MYLK: variants seen among roughly 807,000 people sequenced by gnomAD.
MYLK encodes the protein myosin light chain kinase.
A neutral mutation model predicts 203.4 loss-of-function variants in MYLK; 106 were observed. The ratio of observed to expected loss-of-function variants is 0.52; its 90% CI spans 0.45 to 0.61. MYLK has a LOEUF of 0.61. Among genes scored for constraint, MYLK ranks in the 20% least tolerant of loss-of-function variants. The pLI, the probability that MYLK is intolerant of heterozygous loss-of-function variation, is 0.00. For missense variants in MYLK, 2,072 were observed against 2,442.3 expected (o/e 0.85, Z 3.20); for synonymous variants, 867 against 959.5 (o/e 0.90, Z 1.78).
chr3:123,698,891 G>C (rs2061048714), intron 18 of MYLK: 1 of 152,168 alleles, frequency 6.6e-6, no homozygotes, highest in Non-Finnish European at 1.5e-5. Context: ...AGGTGAGGGA[G>C]GGAGTGGGGA....
chr3:123,820,115 A>C (rs1577063962), intron 3 of MYLK, among the ~76,000 whole-genome samples: 1 of 152,048 alleles, frequency 6.6e-6, no homozygotes. Context: ...CATGCTAACA[A>C]CCCTGCCTGT....
At chr3:123,851,861 G>A (rs926777085) in intron 2 of MYLK, among the ~76,000 whole-genome samples, 2 of 152,100 alleles carry the variant, frequency 1.3e-5, no homozygotes, top group African/African-American at 4.8e-5. Context: ...TGCCCATTCA[G>A]TATGATATTG....
chr3:123,614,755 GT>G (rs1037212098), intron 33 of MYLK, among the ~76,000 whole-genome samples: 49 of 151,736 alleles, frequency 3.2e-4, no homozygotes, highest in African/African-American at 1.2e-3. Flanking sequence ...AGCCTCCTGA[GT>G]AGTGAGACTA....
intron 3 of MYLK, among the ~76,000 whole-genome samples, chr3:123,830,615 C>T (rs1225039889): frequency 6.6e-6 from 1 of 152,132 alleles, no homozygotes; most frequent in East Asian, 1.9e-4. Context: ...AGGTCCACCA[C>T]CCACCAACCT....
chr3:123,879,584 A>G (rs2033388714), intron 1 of MYLK, among the ~76,000 whole-genome samples: 1 of 152,080 alleles, frequency 6.6e-6, no homozygotes, highest in Non-Finnish European at 1.5e-5. Flanking sequence ...CTCTCTTGCT[A>G]CCCACCCAGA....
At chr3:123,837,662 C>A (rs1290144843) in intron 2 of MYLK, among the ~76,000 whole-genome samples, 1 of 151,780 alleles carries the variant, frequency 6.6e-6, no homozygotes, top group Non-Finnish European at 1.5e-5. Context: ...AGTGCACTTG[C>A]ATCACCTGTA....
At chr3:123,750,930 C>T (rs1166197649) in intron 5 of MYLK, among the ~76,000 whole-genome samples, 3 of 152,242 alleles carry the variant, frequency 2.0e-5, no homozygotes, top group African/African-American at 2.4e-5. Context: ...CCAAACTATG[C>T]ATGCTCCACT....
At chr3:123,655,091 G>T (rs2059351763) in intron 24 of MYLK, among the ~76,000 whole-genome samples, 1 of 152,032 alleles carries the variant, frequency 6.6e-6, no homozygotes, top group South Asian at 2.1e-4. Context: ...CCATGCTTCT[G>T]GCCTCTCTTT....
At chr3:123,862,133 C>T (rs142797217) in intron 2 of MYLK, among the ~76,000 whole-genome samples, 64 of 152,330 alleles carry the variant, frequency 4.2e-4, no homozygotes, top group Middle Eastern at 6.8e-3. Context: ...CTGCCTCCTG[C>T]ACCACCTTGA....
At chr3:123,856,541 G>A (rs537199094) in intron 2 of MYLK, among the ~76,000 whole-genome samples, 3 of 151,986 alleles carry the variant, frequency 2.0e-5, no homozygotes, top group Non-Finnish European at 4.4e-5. Flanking sequence ...TATTTAATGG[G>A]GACCTTCTTT....
intron 13 of MYLK, among the ~76,000 whole-genome samples, chr3:123,715,214 C>G (rs1477197560): frequency 1.3e-5 from 2 of 152,184 alleles, no homozygotes; most frequent in African/African-American, 2.4e-5. Context: ...AATGATCGCT[C>G]TGGTGAAGCA....
chr3:123,800,035 T>C (rs970507501), intron 3 of MYLK: 1 of 152,118 alleles, frequency 6.6e-6, no homozygotes. Context: ...GATGGTGCAA[T>C]TTGCCTTCCG....
At chr3:123,666,575 A>T (rs2059741965) in intron 21 of MYLK, among the ~76,000 whole-genome samples, 1 of 152,160 alleles carries the variant, frequency 6.6e-6, no homozygotes, top group African/African-American at 2.4e-5. Context: ...CACTACTTAC[A>T]TGGCATGATT....
chr3:123,739,934 T>G lies in MYLK; in HGVS notation c.422+19A>C, dbSNP rs765623475. On this transcript the variant is annotated intron_variant, in intron 6 of 33. Coordinates refer to ENST00000360304, the MANE Select transcript of MYLK (RefSeq NM_053025.4). ...AAAGCAATCCAACCCTTACTCTGTCTTGAACATCCAGGACTTACCCTAAGG... is the reference window on the plus strand; with the variant it reads ...AAAGCAATCCAACCCTTACTCTGTCGTGAACATCCAGGACTTACCCTAAGG... The G allele has an allele frequency of 4.3e-6, 7 of 1,613,626 alleles. No individual in the cohort carries two copies. Among genetic ancestry groups the G allele is most frequent in the Non-Finnish European group, 5.1e-6 (6 of 1,179,666 alleles).
chr3:123,620,325 A>G lies in MYLK; in HGVS notation c.5250T>C (p.Asn1750=). Reference sequence around the variant, plus strand: ...ACAGTCTTCCAATGGCTCTCACAGCATTGCCCGTTTTCTGGAAAATAGACA... The same window carrying G: ...ACAGTCTTCCAATGGCTCTCACAGCGTTGCCCGTTTTCTGGAAAATAGACA... The part of the protein sequence containing the change: ...MARRKWQKTG[N]AVRAIGRLSS... Residue 1750 remains asparagine, a synonymous_variant, in exon 32 of 34, where the codon AAT becomes AAC. Coordinates refer to ENST00000360304, the MANE Select transcript of MYLK (RefSeq NM_053025.4). 6.2e-7 allele frequency: 1 copy of G among 1,614,076 alleles called. No homozygotes were observed. The highest frequency in any genetic ancestry group is 8.5e-7 in the Non-Finnish European group (1 of 1,180,018).
chr3:123,732,805 C>T, intron 11 of MYLK, 91 bp downstream of exon 11: 8 of 1,261,758 alleles, frequency 6.3e-6, no homozygotes, highest in Non-Finnish European at 9.1e-6. Flanking sequence ...AGGCAGGGGG[C>T]TATAGGAGAT....
chr3:123,679,916 C>T (rs779630737), intron 20 of MYLK, among the ~76,000 whole-genome samples: 3 of 152,158 alleles, frequency 2.0e-5, no homozygotes, highest in Non-Finnish European at 4.4e-5. Context: ...CCTTCTGCTT[C>T]TCAAGACCCA....
chr3:123,644,255 G>A (rs533941798), intron 27 of MYLK, among the ~76,000 whole-genome samples: 16 of 152,162 alleles, frequency 1.1e-4, no homozygotes, highest in Non-Finnish European at 2.1e-4. Flanking sequence ...CAGTGGTCAA[G>A]TCTTAGAGTG....
chr3:123,694,046 C>T (rs1336071320), intron 18 of MYLK, among the ~76,000 whole-genome samples: 1 of 152,198 alleles, frequency 6.6e-6, no homozygotes, highest in Non-Finnish European at 1.5e-5. Context: ...AAATGCACAG[C>T]CTTGACCAGC....
Sources: gnomAD v4.1 joint callset for allele counts (sites outside exome capture counted in the v4.1 genomes callset) on GRCh38, gnomAD v4.1.1 for gene constraint, MANE v1.5 for transcripts, NCBI Gene and HGNC (gene_info 2026-07-23, HGNC 2026-07-21) for gene names.